Variants in GPC5 observed in about 807,000 individuals in gnomAD.
GPC5 encodes the protein glypican-5.
GPC5 carries 47 observed loss-of-function variants against 53.9 expected under a neutral mutation model. That is an observed-to-expected ratio of 0.87 (90% confidence interval 0.69 to 1.11). The LOEUF is 1.11. Among genes scored for constraint, GPC5 ranks in the 50% most tolerant of loss-of-function variants. The probability of loss-of-function intolerance (pLI) is 0.00; values close to 1 mark genes in which losing one functional copy is unlikely to be tolerated. For missense variants in GPC5, 748 were observed against 713.1 expected (o/e 1.05, Z -0.56); for synonymous variants, 286 against 263.3 (o/e 1.09, Z -0.84).
intron 7 of GPC5, among the ~76,000 whole-genome samples, chr13:92,215,565 T>C (rs534800373): frequency 1.7e-4 from 26 of 152,274 alleles, no homozygotes; most frequent in Non-Finnish European, 3.2e-4. Context: ...TACTGGCATG[T>C]CATTCTCATG....
In GPC5 at chr13:92,718,721, A is replaced by AACTT. The variant is rs1888409708; in HGVS notation, c.1562-147559_1562-147556dup. On this transcript the variant is annotated intron_variant, in intron 7 of 7. Coordinates refer to ENST00000377067, the MANE Select transcript of GPC5 (RefSeq NM_004466.6). ...AAACCCCATCTCTACTAAAATACAA[A>AACTT]ACTTAGCCGGGCATGATTGCAGGTG... Among the ~76,000 whole-genome samples the AACTT allele has an allele frequency of 3.9e-5, 6 of 152,004 alleles. No individual in the cohort carries two copies. In the South Asian group the frequency reaches 1.2e-3, roughly 32 times the overall value.
chr13:92,015,259 G>A (rs963652680), intron 6 of GPC5, among the ~76,000 whole-genome samples: 2 of 152,162 alleles, frequency 1.3e-5, no homozygotes, highest in Non-Finnish European at 2.9e-5. Flanking sequence ...AGTAGTGACG[G>A]ATGCTATTTA....
chr13:92,114,021 T>C (rs964463626), intron 6 of GPC5, among the ~76,000 whole-genome samples: 1 of 152,192 alleles, frequency 6.6e-6, no homozygotes, highest in African/African-American at 2.4e-5. Flanking sequence ...GCTATAAACT[T>C]GTTTTTGTGG....
chr13:92,622,065 C>A (rs977251952), intron 7 of GPC5, among the ~76,000 whole-genome samples: 1 of 152,180 alleles, frequency 6.6e-6, no homozygotes, highest in African/African-American at 2.4e-5. Context: ...CTGGTTCCAA[C>A]CCTTCCTGTT....
chr13:91,763,625 T>G (rs2037461579), intron 5 of GPC5, among the ~76,000 whole-genome samples: 1 of 152,232 alleles, frequency 6.6e-6, no homozygotes, highest in South Asian at 2.1e-4. Context: ...AATCCAGGTA[T>G]GGCTGATGGT....
intron 6 of GPC5, among the ~76,000 whole-genome samples, chr13:91,957,960 A>G (rs1463967387): frequency 3.3e-5 from 5 of 152,112 alleles, no homozygotes; most frequent in Admixed American, 6.5e-5. Context: ...AGAGAAAGAA[A>G]TGAACAAAAG....
At chr13:91,594,208 T>C (rs2139182270) in intron 2 of GPC5, among the ~76,000 whole-genome samples, 1 of 152,334 alleles carries the variant, frequency 6.6e-6, no homozygotes, top group African/African-American at 2.4e-5. Flanking sequence ...TACAGTTTTT[T>C]TAAAGGAGTA....
chr13:91,892,427 A>C (rs189385075), intron 5 of GPC5, among the ~76,000 whole-genome samples: 4 of 151,666 alleles, frequency 2.6e-5, no homozygotes, highest in Non-Finnish European at 5.9e-5. Context: ...ATTAGAAAAA[A>C]TATTCTTTTT....
chr13:92,335,754 T>G (rs2043317918), intron 7 of GPC5, among the ~76,000 whole-genome samples: 1 of 152,156 alleles, frequency 6.6e-6, no homozygotes, highest in Non-Finnish European at 1.5e-5. Context: ...ATAGCAAGAG[T>G]GAACTTTCCT....
At chr13:91,863,568 C>A (rs4771847) in intron 5 of GPC5, among the ~76,000 whole-genome samples, 7,788 of 152,122 alleles carry the variant, frequency 0.051, 268 homozygotes, top group Middle Eastern at 0.085. Context: ...CTTTCTCTCT[C>A]TATATATATT....
intron 2 of GPC5, among the ~76,000 whole-genome samples, chr13:91,674,975 T>A (rs1178644282): frequency 6.6e-6 from 1 of 152,008 alleles, no homozygotes; most frequent in Non-Finnish European, 1.5e-5. Flanking sequence ...TTCCCTTTTT[T>A]TTCTCATCTA....
rs375886753 is a variant in GPC5, at chr13:92,713,581, T to C, written c.1562-152701T>C. On this transcript the variant is annotated intron_variant, in intron 7 of 7. Transcript: ENST00000377067. ...TGAGATCGTGCCAATACACTCCAGC[T>C]TGGACGACAGAGCGAGACTCCAATC... 1.1e-4 allele frequency among the ~76,000 whole-genome samples: 16 copies of C among 149,554 alleles called. No individual in the cohort carries two copies. In the East Asian group the frequency reaches 1.6e-3, roughly 15 times the overall value.
At chr13:92,072,948 C>G (rs199584410) in intron 6 of GPC5, among the ~76,000 whole-genome samples, 1 of 152,106 alleles carries the variant, frequency 6.6e-6, no homozygotes, top group Non-Finnish European at 1.5e-5. Context: ...AAACAGCAGT[C>G]TACTATTAAA....
intron 7 of GPC5, among the ~76,000 whole-genome samples, chr13:92,702,159 T>C (rs1046271192): frequency 1.3e-5 from 2 of 152,142 alleles, no homozygotes; most frequent in Non-Finnish European, 2.9e-5. Flanking sequence ...TATTCTGCCC[T>C]TTTATTTAAA....
At chr13:92,081,576 G>A (rs16947035) in intron 6 of GPC5, among the ~76,000 whole-genome samples, 5,793 of 152,142 alleles carry the variant, frequency 0.038, 372 homozygotes, top group African/African-American at 0.13. Context: ...TGCCAGATGA[G>A]GATGGTCTGT....
chr13:92,776,211 C>T (rs769615222), intron 7 of GPC5, among the ~76,000 whole-genome samples: 54 of 152,130 alleles, frequency 3.5e-4, no homozygotes, highest in Non-Finnish European at 6.3e-4. Context: ...TGGCTCCCTC[C>T]TCTATCTTCA....
intron 6 of GPC5, among the ~76,000 whole-genome samples, chr13:92,122,986 G>A (rs1185562239): frequency 6.6e-6 from 1 of 152,110 alleles, no homozygotes. Flanking sequence ...TGATCCTGCA[G>A]AAAATAACTA....
intron 2 of GPC5, among the ~76,000 whole-genome samples, chr13:91,681,056 C>T (rs527271629): frequency 6.6e-5 from 10 of 151,664 alleles, no homozygotes; most frequent in South Asian, 2.1e-4. Context: ...TGTAGCCCAC[C>T]GCAATACAAG....
chr13:92,121,831 G>A (rs935959451), intron 6 of GPC5, among the ~76,000 whole-genome samples: 1 of 152,124 alleles, frequency 6.6e-6, no homozygotes, highest in Non-Finnish European at 1.5e-5. Context: ...TGAAGAGTTT[G>A]TCTTTTCTGA....
Sources: allele counts gnomAD v4.1 joint callset (sites outside exome capture counted in the v4.1 genomes callset), GRCh38; gene constraint gnomAD v4.1.1; transcripts MANE v1.5; gene names NCBI Gene and HGNC (gene_info 2026-07-23, HGNC 2026-07-21).